Variants in RASSF6 observed in about 807,000 individuals in gnomAD.
RASSF6 encodes Ras association domain family member 6.
In RASSF6, 52 loss-of-function variants were observed where a neutral mutation model predicts 44.0. The ratio of observed to expected loss-of-function variants is 1.18; its 90% CI spans 0.95 to 1.49. The LOEUF is 1.49. Ranked by LOEUF, RASSF6 falls within the 40% of genes most tolerant of loss-of-function variation. The pLI is 0.00. For missense variants in RASSF6, 464 were observed against 393.3 expected (o/e 1.18, Z -1.52); for synonymous variants, 162 against 124.6 (o/e 1.30, Z -2.00).
At chr4:73,578,599 A>G (rs964362068) in intron 8 of RASSF6, among the ~76,000 whole-genome samples, 1 of 150,392 alleles carries the variant, frequency 6.6e-6, no homozygotes, top group Non-Finnish European at 1.5e-5. Context: ...CGTGCTTGCT[A>G]TTTTTATTGT....
intron 1 of RASSF6, among the ~76,000 whole-genome samples, chr4:73,613,757 C>T (rs1726174954): frequency 6.6e-6 from 1 of 152,124 alleles, no homozygotes; most frequent in Non-Finnish European, 1.5e-5. Flanking sequence ...CCATGAATAA[C>T]AATCACCTCA....
At position 73,574,834 on chromosome 4, in the gene RASSF6, T is replaced by G. The variant is rs1723113819; in HGVS notation, c.*1401A>C. ...TTCAGTCTATTGAAGACTAACCTTT[T>G]GTCATGTTCATGGCAGGTACATGAC... is the stretch of plus-strand genomic sequence containing the variant. On this transcript the variant is annotated 3_prime_UTR_variant, in exon 11 of 11. Coordinates refer to ENST00000307439, the MANE Select transcript of RASSF6 (RefSeq NM_177532.5). The G allele has an allele frequency of 6.6e-6, 1 of 152,206 alleles. No homozygotes were observed. The highest frequency in any genetic ancestry group is 1.5e-5 in the Non-Finnish European group (1 of 68,032). 9.4% of individuals were successfully genotyped at this position (152,206 alleles called of 1,614,324 possible).
intron 7 of RASSF6, 47 bp downstream of exon 7, chr4:73,582,142 G>A: frequency 1.1e-6 from 1 of 889,680 alleles, no homozygotes; most frequent in Non-Finnish European, 1.7e-6. Flanking sequence ...GTTTATAGTT[G>A]AATTATATAT....
At position 73,604,687 on chromosome 4, in the gene RASSF6, T is replaced by G. The variant is rs565300584; in HGVS notation, c.66-5969A>C. ...ATTAAATTTTAGCAGTGAAGCTATT[T>G]AACAATTTCATATGTCAGGTTCAAA... On this transcript the variant is annotated intron_variant, in intron 2 of 10. Transcript: ENST00000307439. 5.9e-5 allele frequency: 9 copies of G among 152,268 alleles called. No homozygotes were observed. The South Asian group carries it at 1.9e-3, about 32-fold the overall frequency. The allele number at this position is 152,268 out of a possible 1,614,324, so 9.4% of individuals were successfully genotyped here.
At chr4:73,613,292 A>G (rs1726145209) in intron 1 of RASSF6, among the ~76,000 whole-genome samples, 1 of 152,174 alleles carries the variant, frequency 6.6e-6, no homozygotes, top group Non-Finnish European at 1.5e-5. Flanking sequence ...GTAATTCTAT[A>G]CGTCAGAAGC....
intron 2 of RASSF6, among the ~76,000 whole-genome samples, chr4:73,600,129 G>T (rs1016093203): frequency 6.6e-6 from 1 of 152,058 alleles, no homozygotes; most frequent in African/African-American, 2.4e-5. Context: ...TTCATATCTT[G>T]ATTTTCTCCT....
At position 73,576,063 on chromosome 4, in the gene RASSF6, A is replaced by C. The variant is rs1183168973; in HGVS notation, c.*172T>G. On this transcript the variant is annotated 3_prime_UTR_variant, in exon 11 of 11. Coordinates refer to ENST00000307439, the MANE Select transcript of RASSF6 (RefSeq NM_177532.5). Reference sequence around the variant, plus strand: ...TCAAACTCATTTTGTCCAACTGTGAACCCTAATTAACCTCATCACTTCAAA... The same window carrying C: ...TCAAACTCATTTTGTCCAACTGTGACCCCTAATTAACCTCATCACTTCAAA... The C allele has an allele frequency of 4.1e-6, 2 of 482,048 alleles. No individual in the cohort carries two copies. Among genetic ancestry groups the C allele is most frequent in the Non-Finnish European group, 7.3e-6 (2 of 274,032 alleles). 29.9% of individuals were successfully genotyped at this position (482,048 alleles called of 1,614,324 possible).
Position 73,611,796 on chromosome 4 carries a change from C to G in RASSF6, c.-1G>C. 6.2e-7 allele frequency: 1 copy of G among 1,610,474 alleles called. No homozygotes were observed. The highest frequency in any genetic ancestry group is 8.5e-7 in the Non-Finnish European group (1 of 1,177,256). ...GGTACTGGTGAGCCATCATAGTCAT[C>G]TTTTCCTCCTTTTTGAGATGGTCTG... On this transcript the variant is annotated 5_prime_UTR_variant, in exon 2 of 11. Coordinates refer to ENST00000307439, the MANE Select transcript of RASSF6 (RefSeq NM_177532.5).
Position 73,598,583 on chromosome 4 carries a change from T to C in RASSF6, c.144+57A>G, listed in dbSNP as rs952273229. The C allele has an allele frequency of 6.3e-6, 5 of 793,130 alleles. No individual in the cohort carries two copies. The African/African-American group carries it at 9.0e-5, about 14-fold the overall frequency. 49.1% of individuals were successfully genotyped at this position (793,130 alleles called of 1,614,324 possible). A position where few individuals can be genotyped will look rare whatever the true frequency, so the allele number is the denominator to read the frequency against. ...TCTTCCAGAATTGTGTGTGTGTGTG[T>C]GTGCACGCATGTGTGTGTGTGAATA... On this transcript the variant is annotated intron_variant, in intron 3 of 10. Coordinates refer to ENST00000307439, the MANE Select transcript of RASSF6 (RefSeq NM_177532.5).
chr4:73,617,739 G>A (rs528121917), intron 1 of RASSF6, among the ~76,000 whole-genome samples: 4 of 152,162 alleles, frequency 2.6e-5, no homozygotes, highest in Non-Finnish European at 5.9e-5. Context: ...TGTTATGAAA[G>A]TGATGAAATC....
chr4:73,585,969 G>A (rs1724057258), intron 5 of RASSF6, among the ~76,000 whole-genome samples: 2 of 132,780 alleles, frequency 1.5e-5, no homozygotes. Flanking sequence ...ATCTCCTAAT[G>A]CTATCCCTCC....
intron 4 of RASSF6, 73 bp downstream of exon 4, chr4:73,593,378 T>A: frequency 7.2e-7 from 1 of 1,398,090 alleles, no homozygotes. Context: ...GTTTCCCTCC[T>A]TAAGAGTGCA....
At chr4:73,614,186 G>T (rs867986939) in intron 1 of RASSF6, among the ~76,000 whole-genome samples, 2 of 152,048 alleles carry the variant, frequency 1.3e-5, no homozygotes, top group African/African-American at 2.4e-5. Flanking sequence ...TTCCAAATTC[G>T]AAAGCTTTGA....
intron 1 of RASSF6, among the ~76,000 whole-genome samples, chr4:73,612,746 G>A (rs777661807): frequency 2.6e-5 from 4 of 152,010 alleles, no homozygotes; most frequent in Admixed American, 1.3e-4. Flanking sequence ...TGCTTGGCTG[G>A]AGTCTCATTT....
At chr4:73,598,063 C>A (rs931101913) in intron 3 of RASSF6, among the ~76,000 whole-genome samples, 7 of 152,154 alleles carry the variant, frequency 4.6e-5, no homozygotes, top group Non-Finnish European at 1.0e-4. Context: ...AACAAACCAC[C>A]ATGACACATG....
At chr4:73,615,806 G>T in intron 1 of RASSF6, 1 of 1,091,136 alleles carries the variant, frequency 9.2e-7, no homozygotes. Context: ...GTGTTGGGCA[G>T]CATTAGCGTT....
intron 2 of RASSF6, among the ~76,000 whole-genome samples, chr4:73,611,110 T>A (rs1268736809): frequency 2.0e-5 from 3 of 152,272 alleles, no homozygotes; most frequent in African/African-American, 4.8e-5. Flanking sequence ...CCACCCCCCA[T>A]AAGATTTGGG....
At chr4:73,613,171 G>A (rs1474667714) in intron 1 of RASSF6, among the ~76,000 whole-genome samples, 2 of 152,076 alleles carry the variant, frequency 1.3e-5, no homozygotes, top group Non-Finnish European at 2.9e-5. Flanking sequence ...TCAAAGAATT[G>A]TGCTTCTCTA....
At chr4:73,584,628 TTTA>T (rs1362569080) in intron 6 of RASSF6, among the ~76,000 whole-genome samples, 1 of 152,170 alleles carries the variant, frequency 6.6e-6, no homozygotes, top group Non-Finnish European at 1.5e-5. Context: ...GCTTTTTCCT[TTTA>T]TTTAAATGTT....
Sources: gnomAD v4.1 joint callset for allele counts (sites outside exome capture counted in the v4.1 genomes callset) on GRCh38, gnomAD v4.1.1 for gene constraint, MANE v1.5 for transcripts, NCBI Gene and HGNC (gene_info 2026-07-23, HGNC 2026-07-21) for gene names.